Variants in CASZ1 observed in about 807,000 individuals in gnomAD.
CASZ1 encodes the protein zinc finger protein castor homolog 1.
In CASZ1, 28 loss-of-function variants were observed where a neutral mutation model predicts 135.2. The ratio of observed to expected loss-of-function variants is 0.21; its 90% confidence interval spans 0.15 to 0.28. The LOEUF is 0.28. Ranked by LOEUF, CASZ1 falls within the 10% of genes least tolerant of loss-of-function variation. The pLI, the probability that CASZ1 is intolerant of heterozygous loss-of-function variation, is 1.00. For missense variants in CASZ1, 2,161 were observed against 2,453.3 expected (o/e 0.88, Z 2.52); for synonymous variants, 1,068 against 1,073.4 (o/e 0.99, Z 0.10).
chr1:10,714,245 T>G (rs950421000), intron 2 of CASZ1, among the ~76,000 whole-genome samples: 6 of 151,390 alleles, frequency 4.0e-5, no homozygotes, highest in African/African-American at 1.5e-4. Context: ...GAGGTGGAGG[T>G]TGCAGTGAGC....
At chr1:10,782,583 G>A (rs1229062313) in intron 1 of CASZ1, among the ~76,000 whole-genome samples, 1 of 152,236 alleles carries the variant, frequency 6.6e-6, no homozygotes, top group Non-Finnish European at 1.5e-5. Flanking sequence ...GCCCAGCAGG[G>A]TGGGGGCCGG....
rs1209222613 is a variant in CASZ1, at chr1:10,724,377, T to C, written c.-76-18833A>G. Among the ~76,000 whole-genome samples, 1 of 152,132 alleles carries C rather than the reference T, an allele frequency of 6.6e-6. No individual in the cohort carries two copies. The highest frequency in any genetic ancestry group is 1.5e-5 in the Non-Finnish European group (1 of 68,032). On this transcript the variant is annotated intron_variant, in intron 2 of 20. Transcript: ENST00000377022. The surrounding 1 kb of genome is among the most constrained non-coding windows in gnomAD (Gnocchi z 4.1). ...AGTGCCGAAGGTGCTTGGCACCGAG[T>C]GTTTGCTTATTTACAAGGCTGTTTT... is the stretch of plus-strand genomic sequence containing the variant.
rs1024382649 is a variant in CASZ1 at position 10,647,732 on chromosome 1, C to T, written c.3497+69G>A. Reference sequence around the variant, plus strand: ...CGCAGTGAGGAACAGGGCCTCCTAGCGCCCTTGCTAGCACCTACTCCCGAG... The same window carrying T: ...CGCAGTGAGGAACAGGGCCTCCTAGTGCCCTTGCTAGCACCTACTCCCGAG... On this transcript the variant is annotated intron_variant, in intron 16 of 20. Coordinates refer to ENST00000377022, the MANE Select transcript of CASZ1 (RefSeq NM_001079843.3). The surrounding 1 kb of genome is among the most constrained non-coding windows in gnomAD (Gnocchi z 4.9). 1.2e-5 allele frequency: 19 copies of T among 1,600,392 alleles called. No individual in the cohort carries two copies. Among genetic ancestry groups the T allele is most frequent in the African/African-American group, 9.4e-5 (7 of 74,864 alleles).
intron 2 of CASZ1, among the ~76,000 whole-genome samples, chr1:10,715,492 TCCCCACAGCACCCAATCCACA>T (rs1639361317): frequency 1.5e-5 from 2 of 135,298 alleles, no homozygotes; most frequent in Admixed American, 7.3e-5. Context: ...CCCAATCCTC[TCCCCACAGCACCCAATCCACA>T]CCCCACAGCA....
Position 10,639,178 on chromosome 1 carries a change from GCTCCTC to G in CASZ1, c.5038_5043del (p.Glu1680_Glu1681del), listed in dbSNP as rs1362480665. The G allele has an allele frequency of 9.8e-7, 1 of 1,022,446 alleles. No individual in the cohort carries two copies. Among genetic ancestry groups the G allele is most frequent in the Admixed American group, 5.8e-5 (1 of 17,388 alleles). The allele number at this position is 1,022,446 out of a possible 1,614,324, so 63.3% of individuals were successfully genotyped here. A position where few individuals can be genotyped will look rare whatever the true frequency, so the allele number is the denominator to read the frequency against. Reference sequence around the variant, plus strand: ...TCGGCCTCCTCCTCCGGCAGCTCCAGCTCCTCCTCCTCGTCCTCCTGCGAGGACTCC... The same window carrying G: ...TCGGCCTCCTCCTCCGGCAGCTCCAGCTCCTCGTCCTCCTGCGAGGACTCC... On this transcript the variant is annotated inframe_deletion, in exon 21 of 21. Transcript: ENST00000377022. This position sits in a 1 kb window ranked among gnomAD's most constrained non-coding sequence, Gnocchi z 4.0.
rs1642087613 is a variant in CASZ1, at chr1:10,638,911, A to AGGCCGAGGCCGC, written c.*30_*31insGCGGCCTCGGCC. On this transcript the variant is annotated 3_prime_UTR_variant, in exon 21 of 21. Coordinates refer to ENST00000377022, the MANE Select transcript of CASZ1 (RefSeq NM_001079843.3). The surrounding 1 kb of genome is among the most constrained non-coding windows in gnomAD (Gnocchi z 5.9). ...GGCGCCGCTCCCGAGGCCGAGGCCG[A>AGGCCGAGGCCGC]GGCCGCCGCCAGGGCCACCCGCGGG... 7 of 948,258 alleles carry AGGCCGAGGCCGC rather than the reference A, an allele frequency of 7.4e-6. No homozygotes were observed. The South Asian group carries it at 1.9e-4, about 26-fold the overall frequency. The allele number at this position is 948,258 out of a possible 1,614,324, so 58.7% of individuals were successfully genotyped here. A position where few individuals can be genotyped will look rare whatever the true frequency, so the allele number is the denominator to read the frequency against.
At chr1:10,722,058 AC>A (rs1639506790) in intron 2 of CASZ1, among the ~76,000 whole-genome samples, 1 of 152,190 alleles carries the variant, frequency 6.6e-6, no homozygotes, top group South Asian at 2.1e-4. Flanking sequence ...AAACGTTGGA[AC>A]CAGGCATCCG....
At chr1:10,658,145 C>T (rs925172664) in intron 7 of CASZ1, 10 of 243,080 alleles carry the variant, frequency 4.1e-5, no homozygotes, top group Non-Finnish European at 6.6e-5. Flanking sequence ...CCTCTACCTT[C>T]CCAGCCCTGA....
At position 10,756,950 on chromosome 1, in the gene CASZ1, C is replaced by A. The variant is rs555966401; in HGVS notation, c.-77+3751G>T. Reference sequence around the variant, plus strand: ...AAGAGAAACTCAGCCAACTTTTAGACCCAATCTCAGACCCAGCACAGAACC... The same window carrying A: ...AAGAGAAACTCAGCCAACTTTTAGAACCAATCTCAGACCCAGCACAGAACC... On this transcript the variant is annotated intron_variant, in intron 2 of 20. Transcript: ENST00000377022. The surrounding 1 kb of genome is among the most constrained non-coding windows in gnomAD (Gnocchi z 5.9). Among the ~76,000 whole-genome samples the A allele has an allele frequency of 6.6e-6, 1 of 152,178 alleles. No individual in the cohort carries two copies. Among genetic ancestry groups the A allele is most frequent in the Non-Finnish European group, 1.5e-5 (1 of 68,034 alleles).
At position 10,654,450 on chromosome 1, in the gene CASZ1, A is replaced by G. The variant is rs1557472100; in HGVS notation, c.1807T>C (p.Tyr603His). Residue 603 changes from tyrosine to histidine, a missense_variant, in exon 10 of 21, where the codon TAC becomes CAC. Transcript: ENST00000377022. ...EDCGTADCQF[Y>H]GQKTTHFHCR... ...TGGAAGTGCGTGGTCTTCTGTCCGT[A>G]GAACTGGCAGTCGGCTGTGCCACAG... The G allele has an allele frequency of 6.2e-7, 1 of 1,614,068 alleles. No homozygotes were observed. The highest frequency in any genetic ancestry group is 1.3e-5 in the African/African-American group (1 of 74,930).
rs191911595 is a variant in CASZ1, at chr1:10,653,011, G to A, written c.2680+366C>T. 2.7e-4 allele frequency: 81 copies of A among 299,804 alleles called. No homozygotes were observed. In the East Asian group the frequency reaches 7.2e-3, roughly 27 times the overall value. The allele number at this position is 299,804 out of a possible 1,614,324, so 18.6% of individuals were successfully genotyped here. On this transcript the variant is annotated intron_variant, in intron 11 of 20. Transcript: ENST00000377022. Reference sequence around the variant, plus strand: ...GTCAGCTGGAGGAAACGCTCGGCACGCCAGGGGCCCTGGGCCTGCTCTTAT... The same window carrying A: ...GTCAGCTGGAGGAAACGCTCGGCACACCAGGGGCCCTGGGCCTGCTCTTAT...
chr1:10,701,020 C>T lies in CASZ1; in HGVS notation c.-24+4472G>A, dbSNP rs1405266855. ...GCACTCAGCCCGCACACAGTCAGTG[C>T]TCAATAAGGATTAGCTGTTAATATG... On this transcript the variant is annotated intron_variant, in intron 3 of 20. Coordinates refer to ENST00000377022, the MANE Select transcript of CASZ1 (RefSeq NM_001079843.3). The surrounding 1 kb of genome is among the most constrained non-coding windows in gnomAD (Gnocchi z 6.3). Among the ~76,000 whole-genome samples the T allele has an allele frequency of 6.6e-6, 1 of 152,186 alleles. No homozygotes were observed. The highest frequency in any genetic ancestry group is 2.4e-5 in the African/African-American group (1 of 41,436).
rs1453224581 is a variant in CASZ1 at position 10,776,959 on chromosome 1, T to G, written c.-233-16102A>C. ...CCCCTAGGAGGGTCCCTTTACTTCC[T>G]GCAACTGGAGGAAGCATCATTCCAT... On this transcript the variant is annotated intron_variant, in intron 1 of 20. Transcript: ENST00000377022. This position sits in a 1 kb window ranked among gnomAD's most constrained non-coding sequence, Gnocchi z 4.1. Among the ~76,000 whole-genome samples the G allele has an allele frequency of 6.6e-6, 1 of 152,158 alleles. No homozygotes were observed.
intron 3 of CASZ1, among the ~76,000 whole-genome samples, chr1:10,698,614 G>T: frequency 6.6e-6 from 1 of 152,182 alleles, no homozygotes; most frequent in Non-Finnish European, 1.5e-5. Flanking sequence ...TCCGAAGCAG[G>T]CTCCCCACCT....
Position 10,670,304 on chromosome 1 carries a change from C to T in CASZ1, c.17-4733G>A, listed in dbSNP as rs186648108. 6.8e-4 allele frequency among the ~76,000 whole-genome samples: 103 copies of T among 152,352 alleles called. 1 individual carries two copies. Among genetic ancestry groups the T allele is most frequent in the African/African-American group, 2.4e-3 (99 of 41,576 alleles). ...TTCCCACATAAGGAAGCAAAGGCCG[C>T]GAGGCTGGTAGCTGCCCACAGTCAG... On this transcript the variant is annotated intron_variant, in intron 4 of 20. Transcript: ENST00000377022.
intron 4 of CASZ1, among the ~76,000 whole-genome samples, chr1:10,672,733 G>A (rs1461499162): frequency 6.6e-6 from 1 of 152,300 alleles, no homozygotes. Flanking sequence ...CGGCAGCTGC[G>A]CTGGGGAAAC....
At chr1:10,696,816 C>A (rs1196234376) in intron 3 of CASZ1, among the ~76,000 whole-genome samples, 1 of 152,266 alleles carries the variant, frequency 6.6e-6, no homozygotes, top group Non-Finnish European at 1.5e-5. Flanking sequence ...TGATAGTGGT[C>A]AGAGCCTGAC....
chr1:10,706,008 T>C lies in CASZ1; in HGVS notation c.-76-464A>G, dbSNP rs1247982926. On this transcript the variant is annotated intron_variant, in intron 2 of 20. Transcript: ENST00000377022. This position sits in a 1 kb window ranked among gnomAD's most constrained non-coding sequence, Gnocchi z 4.3. ...TCCCCGGGGCCCCTGAACATAAAAATGACAAATGCCAAACTGTTCGCTCTA... is the reference window on the plus strand; with the variant it reads ...TCCCCGGGGCCCCTGAACATAAAAACGACAAATGCCAAACTGTTCGCTCTA... Among the ~76,000 whole-genome samples, 1 of 152,160 alleles carries C rather than the reference T, an allele frequency of 6.6e-6. No individual in the cohort carries two copies. The highest frequency in any genetic ancestry group is 1.9e-4 in the East Asian group (1 of 5,190).
intron 2 of CASZ1, among the ~76,000 whole-genome samples, chr1:10,752,856 T>C (rs1430619928): frequency 6.6e-6 from 1 of 152,126 alleles, no homozygotes; most frequent in Non-Finnish European, 1.5e-5. Context: ...GCCAACATGG[T>C]GAAACCCCGA....
Sources: allele counts gnomAD v4.1 joint callset (sites outside exome capture counted in the v4.1 genomes callset), GRCh38; gene constraint gnomAD v4.1.1; non-coding constraint Gnocchi (gnomAD v3.1); transcripts MANE v1.5; gene names NCBI Gene and HGNC (gene_info 2026-07-23, HGNC 2026-07-21).